Variants in TRPS1 observed in about 807,000 individuals in gnomAD.
The protein encoded by TRPS1 is zinc finger transcription factor Trps1.
TRPS1 carries 6 observed loss-of-function variants against 101.2 expected under a neutral mutation model. The observed-to-expected ratio is 0.06, with a 90% CI of 0.03 to 0.12. The LOEUF is 0.12. Among genes scored for constraint, TRPS1 ranks in the 10% least tolerant of loss-of-function variants. TRPS1 has a pLI of 1.00. For synonymous variants in TRPS1, 578 were observed against 589.8 expected (o/e 0.98, Z 0.29); for missense variants, 1,363 against 1,567.0 (o/e 0.87, Z 2.20).
rs1817969410 is a variant in TRPS1 at position 115,604,010 on chromosome 8, T to C, written c.1959A>G (p.Gln653=). The change falls in exon 4 of 7, where the codon CAA becomes CAG. Residue 653 remains glutamine (Q), a synonymous_variant. Transcript: ENST00000395715. This position sits in a 1 kb window ranked among gnomAD's most constrained non-coding sequence, Gnocchi z 4.1. ...LFHYESVHES[Q]ASDVKQEANH... ...TTGCTTCTTGTTTGACATCCGATGC[T>C]TGGGACTCATGCACACTTTCATAGT... 2 of 1,614,002 alleles carry C rather than the reference T, an allele frequency of 1.2e-6. No individual in the cohort carries two copies. The highest frequency in any genetic ancestry group is 1.7e-6 in the Non-Finnish European group (2 of 1,179,976).
chr8:115,667,838 AGACCCTCCC>A, intron 1 of TRPS1: 3 of 1,535,170 alleles, frequency 2.0e-6, no homozygotes, highest in East Asian at 2.4e-5. Flanking sequence ...CCCGTCTCTG[AGACCCTCCC>A]GACCCTCCCG....
intron 5 of TRPS1, among the ~76,000 whole-genome samples, chr8:115,438,735 G>C (rs1813517807): frequency 6.6e-6 from 1 of 151,654 alleles, no homozygotes; most frequent in African/African-American, 2.4e-5. Flanking sequence ...CCCTCTCCCT[G>C]CCCCTCCTGC....
intron 5 of TRPS1, among the ~76,000 whole-genome samples, chr8:115,430,831 T>G (rs1813300759): frequency 1.3e-5 from 2 of 152,012 alleles, no homozygotes; most frequent in Admixed American, 1.3e-4. Flanking sequence ...ATATCATATT[T>G]TATAAGTGGG....
Position 115,659,705 on chromosome 8 carries a change from C to T in TRPS1, c.-122+8840G>A, listed in dbSNP as rs118165392. 2.2e-3 allele frequency among the ~76,000 whole-genome samples: 327 copies of T among 152,064 alleles called. 1 individual carries two copies. Among genetic ancestry groups the T allele is most frequent in the Non-Finnish European group, 3.8e-3 (258 of 67,878 alleles). On this transcript the variant is annotated intron_variant, in intron 1 of 6. Transcript: ENST00000395715. ...AATGGGCTGATGTATTTTATTTCCA[C>T]ATCTTGCAAAGCTAAAGATGATGTG...
intron 2 of TRPS1, among the ~76,000 whole-genome samples, chr8:115,620,271 G>A (rs1818365597): frequency 6.6e-6 from 1 of 151,754 alleles, no homozygotes; most frequent in African/African-American, 2.4e-5. Flanking sequence ...AACCAAGACT[G>A]GCTCATTTAT....
chr8:115,631,524 G>T (rs1370114345), intron 1 of TRPS1, among the ~76,000 whole-genome samples: 1 of 151,944 alleles, frequency 6.6e-6, no homozygotes, highest in African/African-American at 2.4e-5. Context: ...AAGTATAATA[G>T]CATATTGGCA....
intron 3 of TRPS1, among the ~76,000 whole-genome samples, chr8:115,605,933 C>G (rs1373018508): frequency 6.6e-6 from 1 of 152,168 alleles, no homozygotes; most frequent in African/African-American, 2.4e-5. Context: ...TACAATTAAG[C>G]CACCACTGAG....
intron 5 of TRPS1, among the ~76,000 whole-genome samples, chr8:115,480,260 A>G (rs1321155841): frequency 1.3e-5 from 2 of 152,090 alleles, no homozygotes; most frequent in Non-Finnish European, 2.9e-5. Context: ...ATGAAATGAA[A>G]TACCATACAA....
At chr8:115,484,354 A>C (rs1814827524) in intron 5 of TRPS1, among the ~76,000 whole-genome samples, 1 of 152,208 alleles carries the variant, frequency 6.6e-6, no homozygotes, top group Non-Finnish European at 1.5e-5. Context: ...AAGATTCAAA[A>C]AAGTTTAAAT....
At chr8:115,487,538 A>T (rs531887713) in intron 5 of TRPS1, among the ~76,000 whole-genome samples, 72 of 152,354 alleles carry the variant, frequency 4.7e-4, no homozygotes, top group East Asian at 1.3e-3. Context: ...TCACCACTCT[A>T]GATGGCATTA....
chr8:115,446,347 C>A (rs1384811), intron 5 of TRPS1, among the ~76,000 whole-genome samples: 40,459 of 137,304 alleles, frequency 0.29, 5,766 homozygotes, highest in Middle Eastern at 0.44. Flanking sequence ...AAAAAAAAAA[C>A]CAACCCAAAA....
chr8:115,555,056 C>A (rs1040090885), intron 5 of TRPS1, among the ~76,000 whole-genome samples: 1 of 152,180 alleles, frequency 6.6e-6, no homozygotes, highest in Non-Finnish European at 1.5e-5. Flanking sequence ...CCCAAAGTAT[C>A]TGTGGGAGCT....
At chr8:115,537,803 G>A (rs985006030) in intron 5 of TRPS1, among the ~76,000 whole-genome samples, 2 of 152,130 alleles carry the variant, frequency 1.3e-5, no homozygotes, top group South Asian at 2.1e-4. Context: ...GTTGGACTTC[G>A]AGCAACTTAA....
At chr8:115,618,216 C>A (rs1304507293) in intron 3 of TRPS1, among the ~76,000 whole-genome samples, 1 of 152,116 alleles carries the variant, frequency 6.6e-6, no homozygotes, top group Non-Finnish European at 1.5e-5. Context: ...TGAAATCCCC[C>A]TGGCCTTATA....
At position 115,414,158 on chromosome 8, in the gene TRPS1, A is replaced by G. The variant is rs1258080378; in HGVS notation, c.3750T>C (p.His1250=). Residue 1250 remains histidine, a synonymous_variant, in exon 7 of 7, where the codon CAT becomes CAC. Transcript: ENST00000395715. The surrounding 1 kb of genome is among the most constrained non-coding windows in gnomAD (Gnocchi z 4.8). The part of the protein sequence containing the change: ...EVMYALHMSC[H]GDSGPFQCSI... ...TGCACTGGAAAGGTCCACTGTCACC[A>G]TGGCAACTCATATGCAAAGCATACA... 1.2e-6 allele frequency: 2 copies of G among 1,614,056 alleles called. No homozygotes were observed. Among genetic ancestry groups the G allele is most frequent in the South Asian group, 2.2e-5 (2 of 91,090 alleles).
At chr8:115,431,443 G>A (rs1046120101) in intron 5 of TRPS1, among the ~76,000 whole-genome samples, 1 of 151,922 alleles carries the variant, frequency 6.6e-6, no homozygotes, top group African/African-American at 2.4e-5. Context: ...TTACATCAAT[G>A]ACACATTTAA....
intron 5 of TRPS1, among the ~76,000 whole-genome samples, chr8:115,445,372 T>C (rs1813707075): frequency 6.6e-6 from 1 of 152,212 alleles, no homozygotes; most frequent in Non-Finnish European, 1.5e-5. Context: ...TCTTCCTACT[T>C]ATCATTTTCT....
chr8:115,535,535 C>CAT (rs1248733573), intron 5 of TRPS1, among the ~76,000 whole-genome samples: 5 of 148,088 alleles, frequency 3.4e-5, no homozygotes, highest in Middle Eastern at 3.3e-3. Flanking sequence ...ATATATAGCG[C>CAT]ATATATATAG....
Position 115,500,361 on chromosome 8 carries a change from T to C in TRPS1, c.2701-81909A>G, listed in dbSNP as rs191622409. Among the ~76,000 whole-genome samples the C allele has an allele frequency of 2.0e-5, 3 of 152,096 alleles. No homozygotes were observed. In the East Asian group the frequency reaches 5.8e-4, roughly 30 times the overall value. On this transcript the variant is annotated intron_variant, in intron 5 of 6. Transcript: ENST00000395715. ...AAGTTACTTAAAAAGTTCAGGGTCA[T>C]TCGTATGTCGTTACAAAACAGTCAG...
Sources: gnomAD v4.1 joint callset for allele counts (sites outside exome capture counted in the v4.1 genomes callset) on GRCh38, gnomAD v4.1.1 for gene constraint, Gnocchi (gnomAD v3.1) non-coding constraint, MANE v1.5 for transcripts, NCBI Gene and HGNC (gene_info 2026-07-23, HGNC 2026-07-21) for gene names.